ERC2: variants seen among roughly 807,000 people sequenced by gnomAD.
ERC2 encodes ELKS/RAB6-interacting/CAST family member 2.
ERC2 carries 42 observed loss-of-function variants against 114.8 expected under a neutral mutation model. The ratio of observed to expected loss-of-function variants is 0.37; its 90% confidence interval spans 0.29 to 0.47. ERC2 has a LOEUF of 0.47. Among genes scored for constraint, ERC2 ranks in the 20% least tolerant of loss-of-function variants. ERC2 has a pLI of 0.99. For missense variants in ERC2, 939 were observed against 1,150.7 expected, an observed-to-expected ratio of 0.82 and a Z score of 2.66; for synonymous variants, 454 against 425.5, an observed-to-expected ratio of 1.07 and a Z score of -0.82.
intron 1 of ERC2, chr3:56,466,928 C>T (rs937568294): frequency 6.6e-6 from 1 of 152,160 alleles, no homozygotes; most frequent in African/African-American, 2.4e-5. Flanking sequence ...TTCTAACACC[C>T]CCTCCCCCAA....
intron 17 of ERC2, among the ~76,000 whole-genome samples, chr3:55,583,707 T>TG (rs1184005370): frequency 6.6e-6 from 1 of 151,558 alleles, no homozygotes; most frequent in African/African-American, 2.4e-5. Flanking sequence ...CATGGGCTTG[T>TG]GGAAGCTGGG....
rs542309098 is a variant in ERC2 at position 55,568,760 on chromosome 3, T to A, written c.*40-57484A>T. ...AGATGAAGCCAGCTCAGGACCAACATCTGCCACCATCTTCTGGTGACTTCC... is the reference window on the plus strand; with the variant it reads ...AGATGAAGCCAGCTCAGGACCAACAACTGCCACCATCTTCTGGTGACTTCC... On this transcript the variant is annotated intron_variant, in intron 17 of 17. Coordinates refer to ENST00000288221, the MANE Select transcript of ERC2 (RefSeq NM_015576.3). Among the ~76,000 whole-genome samples the A allele has an allele frequency of 5.3e-5, 8 of 152,290 alleles. No homozygotes were observed. In the South Asian group the frequency reaches 1.2e-3, roughly 24 times the overall value.
At chr3:55,565,313 T>C (rs1241483667) in intron 17 of ERC2, among the ~76,000 whole-genome samples, 1 of 152,202 alleles carries the variant, frequency 6.6e-6, no homozygotes, top group African/African-American at 2.4e-5. Flanking sequence ...TTGAATAAAA[T>C]AGGTATTTCA....
chr3:56,172,375 T>C (rs1029341245), intron 4 of ERC2, among the ~76,000 whole-genome samples: 1 of 152,288 alleles, frequency 6.6e-6, no homozygotes, highest in African/African-American at 2.4e-5. Context: ...GATTAAGAAA[T>C]TGTCATTGAA....
At chr3:56,461,178 T>A (rs2063302871) in intron 1 of ERC2, among the ~76,000 whole-genome samples, 2 of 152,038 alleles carry the variant, frequency 1.3e-5, no homozygotes, top group Non-Finnish European at 2.9e-5. Context: ...AACTACAAAG[T>A]AAGGACAAGC....
intron 17 of ERC2, among the ~76,000 whole-genome samples, chr3:55,554,412 G>T (rs535893639): frequency 2.6e-5 from 4 of 152,288 alleles, no homozygotes; most frequent in East Asian, 1.9e-4. Context: ...GGCATTTTCC[G>T]TCCTTCCATT....
chr3:56,299,815 C>A (rs2055741326), intron 2 of ERC2, among the ~76,000 whole-genome samples: 1 of 152,110 alleles, frequency 6.6e-6, no homozygotes. Flanking sequence ...TATCTGGAGT[C>A]AAACATCATG....
rs113060813 is a variant in ERC2 at position 56,348,054 on chromosome 3, T to G, written c.658-51619A>C. ...ACATAATTCTCAATTTTGCTTAAAATCCCATCTGTTGTTCTCAAATACTAC... is the reference window on the plus strand; with the variant it reads ...ACATAATTCTCAATTTTGCTTAAAAGCCCATCTGTTGTTCTCAAATACTAC... On this transcript the variant is annotated intron_variant, in intron 2 of 17. Transcript: ENST00000288221. Among the ~76,000 whole-genome samples the G allele has an allele frequency of 6.6e-3, 999 of 152,298 alleles. 14 individuals carry two copies. Among genetic ancestry groups the G allele is most frequent in the African/African-American group, 0.022 (917 of 41,570 alleles).
At chr3:55,695,012 G>A (rs1483734012) in intron 16 of ERC2, among the ~76,000 whole-genome samples, 1 of 152,182 alleles carries the variant, frequency 6.6e-6, no homozygotes, top group Non-Finnish European at 1.5e-5. Flanking sequence ...AGTAAAACTT[G>A]TATGATGCCT....
intron 2 of ERC2, among the ~76,000 whole-genome samples, chr3:56,320,318 T>A (rs561080655): frequency 6.6e-6 from 1 of 152,156 alleles, no homozygotes; most frequent in African/African-American, 2.4e-5. Context: ...TTGAAAGGGC[T>A]AAGAAAAAAT....
chr3:56,198,271 T>G (rs1407499740), intron 3 of ERC2, among the ~76,000 whole-genome samples: 1 of 152,228 alleles, frequency 6.6e-6, no homozygotes, highest in African/African-American at 2.4e-5. Context: ...AACCTGTGCA[T>G]AAGTTAGTTC....
At chr3:55,983,475 G>A (rs1407019222) in intron 12 of ERC2, among the ~76,000 whole-genome samples, 1 of 152,176 alleles carries the variant, frequency 6.6e-6, no homozygotes, top group Non-Finnish European at 1.5e-5. Flanking sequence ...GTTTACTGGA[G>A]TGGAGACCTG....
At chr3:56,441,664 G>C (rs1320699674) in intron 1 of ERC2, among the ~76,000 whole-genome samples, 1 of 152,140 alleles carries the variant, frequency 6.6e-6, no homozygotes, top group Non-Finnish European at 1.5e-5. Context: ...GAGTGCAGTG[G>C]CATAATCTCG....
intron 17 of ERC2, among the ~76,000 whole-genome samples, chr3:55,524,022 G>C (rs1344938986): frequency 6.6e-6 from 1 of 152,146 alleles, no homozygotes; most frequent in Non-Finnish European, 1.5e-5. Context: ...ACCTCTCTGA[G>C]CCTCAGTTTT....
At position 55,938,918 on chromosome 3, in the gene ERC2, C is replaced by T. The variant is rs1413540934; in HGVS notation, c.2403+11507G>A. Among the ~76,000 whole-genome samples the T allele has an allele frequency of 2.6e-5, 4 of 152,148 alleles. No individual in the cohort carries two copies. The East Asian group carries it at 5.8e-4, about 22-fold the overall frequency. On this transcript the variant is annotated intron_variant, in intron 13 of 17. Transcript: ENST00000288221. ...TATTTTAAACCTGGAAATATTTCCA[C>T]ACCTTCCCCCAAAACAGTCATCAAT...
chr3:56,243,550 GGAA>G (rs1239695001), intron 3 of ERC2, among the ~76,000 whole-genome samples: 1 of 152,138 alleles, frequency 6.6e-6, no homozygotes, highest in Non-Finnish European at 1.5e-5. Context: ...AAGAGCAAAT[GGAA>G]GAAGAACACA....
chr3:56,047,741 C>G (rs1332274740), intron 7 of ERC2, among the ~76,000 whole-genome samples: 1 of 152,184 alleles, frequency 6.6e-6, no homozygotes, highest in Admixed American at 6.5e-5. Context: ...AAGCAATTTG[C>G]CTTTATGCTT....
chr3:56,250,135 C>A (rs981123552), intron 3 of ERC2, among the ~76,000 whole-genome samples: 1 of 152,176 alleles, frequency 6.6e-6, no homozygotes, highest in Non-Finnish European at 1.5e-5. Context: ...GGATTACAGG[C>A]GTGAGCCACC....
At chr3:56,015,962 T>A (rs1329947855) in intron 8 of ERC2, among the ~76,000 whole-genome samples, 1 of 152,204 alleles carries the variant, frequency 6.6e-6, no homozygotes, top group African/African-American at 2.4e-5. Context: ...TGATCAGTGA[T>A]GTTGAGCTCT....
Sources: gnomAD v4.1 joint callset for allele counts (sites outside exome capture counted in the v4.1 genomes callset) on GRCh38, gnomAD v4.1.1 for gene constraint, MANE v1.5 for transcripts, NCBI Gene and HGNC (gene_info 2026-07-23, HGNC 2026-07-21) for gene names.